RNF19A: variants seen among roughly 807,000 people sequenced by gnomAD.
RNF19A encodes ring finger protein 19A, RBR E3 ubiquitin protein ligase.
Under a neutral mutation model 75.7 loss-of-function variants are expected in RNF19A, and 32 were observed. That is an observed-to-expected ratio of 0.42 (90% CI 0.32 to 0.57). The LOEUF (loss-of-function observed/expected upper bound fraction) is 0.57, where lower values mean the gene tolerates loss of function less well. Ranked by LOEUF, RNF19A falls within the 20% of genes least tolerant of loss-of-function variation. The pLI is 0.10. For missense variants in RNF19A, 782 were observed against 1,036.3 expected, an observed-to-expected ratio of 0.75 and a Z score of 3.37; for synonymous variants, 335 against 345.2, an observed-to-expected ratio of 0.97 and a Z score of 0.33.
chr8:100,258,922 C>T lies in RNF19A; in HGVS notation c.2151G>A (p.Met717Ile). The T allele has an allele frequency of 1.2e-6, 2 of 1,614,228 alleles. No individual in the cohort carries two copies. Among genetic ancestry groups the T allele is most frequent in the Non-Finnish European group, 1.7e-6 (2 of 1,180,048 alleles). ...TAGAGTGAGAATCTGCTACAGAAGG[C>T]ATACTGTCACTGAGGGATGGAGCCT... ...EFEAPSLSDS[M>I]PSVADSHSSH... The change falls in exon 10 of 10, where the codon ATG becomes ATA. Residue 717 changes from methionine (M) to isoleucine (I), a missense_variant. Transcript: ENST00000341084. This position sits in a 1 kb window ranked among gnomAD's most constrained non-coding sequence, Gnocchi z 4.3.
chr8:100,259,096 A>G lies in RNF19A; in HGVS notation c.1977T>C (p.Ser659=), dbSNP rs760961023. The G allele has an allele frequency of 1.2e-6, 2 of 1,613,978 alleles. No individual in the cohort carries two copies. The highest frequency in any genetic ancestry group is 1.7e-6 in the Non-Finnish European group (2 of 1,180,002). The change falls in exon 10 of 10, where the codon AGT becomes AGC. Residue 659 remains serine, a synonymous_variant. Coordinates refer to ENST00000341084, the MANE Select transcript of RNF19A (RefSeq NM_183419.4). The surrounding 1 kb of genome is among the most constrained non-coding windows in gnomAD (Gnocchi z 4.5). Reference sequence around the variant, plus strand: ...TTGCTTCTTTGGACCACTTGGTGGCACTAGATTTACCTTCAGGCAAGCCAC... The same window carrying G: ...TTGCTTCTTTGGACCACTTGGTGGCGCTAGATTTACCTTCAGGCAAGCCAC... ...SSSGLPEGKS[S]ATKWSKEATA...
At chr8:100,306,434 C>T (rs545161438) in intron 1 of RNF19A, among the ~76,000 whole-genome samples, 7 of 152,040 alleles carry the variant, frequency 4.6e-5, no homozygotes, top group African/African-American at 1.7e-4. Context: ...TACTAGATAA[C>T]ATCAATAGGA....
intron 1 of RNF19A, among the ~76,000 whole-genome samples, chr8:100,290,171 G>C (rs1384742240): frequency 6.6e-6 from 1 of 152,174 alleles, no homozygotes. Context: ...CTGGAGTGCA[G>C]TGAAGCAATC....
chr8:100,324,132 G>A lies in RNF19A; in HGVS notation c.-242-10760C>T, dbSNP rs1822498393. Among the ~76,000 whole-genome samples, 1 of 152,154 alleles carries A rather than the reference G, an allele frequency of 6.6e-6. No homozygotes were observed. Among genetic ancestry groups the A allele is most frequent in the African/African-American group, 2.4e-5 (1 of 41,428 alleles). ...AAGAAAATTCCCACACACTGAAGCT[G>A]CTACTATAATTTATTTTTTACAGCG... is the stretch of plus-strand genomic sequence containing the variant. On this transcript the variant is annotated intron_variant, in intron 1 of 3. Transcript: ENST00000519527. The surrounding 1 kb of genome is among the most constrained non-coding windows in gnomAD (Gnocchi z 4.2).
rs1788184 is a variant in RNF19A at position 100,322,878 on chromosome 8, A to G, written c.-242-9506T>C. 0.46 allele frequency among the ~76,000 whole-genome samples: 70,278 copies of G among 151,836 alleles called. 17,228 individuals are homozygous for G. The highest frequency in any genetic ancestry group is 0.64 in the African/African-American group (26,315 of 41,376). On this transcript the variant is annotated intron_variant, in intron 1 of 3. Transcript: ENST00000519527. This position sits in a 1 kb window ranked among gnomAD's most constrained non-coding sequence, Gnocchi z 5.1. Reference sequence around the variant, plus strand: ...CACATTTATTAAGTTCACTGTCTTCAGTGGGAGTGGTTCATGGCACTTCAA... The same window carrying G: ...CACATTTATTAAGTTCACTGTCTTCGGTGGGAGTGGTTCATGGCACTTCAA...
At position 100,330,697 on chromosome 8, in the gene RNF19A, C is replaced by G. The variant is rs117899045; in HGVS notation, c.-243+5411G>C. Among the ~76,000 whole-genome samples, 180 of 152,286 alleles carry G rather than the reference C, an allele frequency of 1.2e-3. No individual in the cohort carries two copies. Among genetic ancestry groups the G allele is most frequent in the Middle Eastern group, 3.4e-3 (1 of 294 alleles). On this transcript the variant is annotated intron_variant, in intron 1 of 3. Coordinates refer to the RNF19A transcript ENST00000519527. This position sits in a 1 kb window ranked among gnomAD's most constrained non-coding sequence, Gnocchi z 4.1. ...CCAGTTACCCAAGGCAATAAATTAC[C>G]TGTTTTATTTAGCTCTCCATCTCTT...
chr8:100,316,385 C>T (rs982522113), intron 1 of RNF19A, among the ~76,000 whole-genome samples: 1 of 152,172 alleles, frequency 6.6e-6, no homozygotes, highest in African/African-American at 2.4e-5. Context: ...GGGCAGCCTG[C>T]TTTTAGTCTC....
chr8:100,294,823 G>A (rs539602646), intron 1 of RNF19A, among the ~76,000 whole-genome samples: 4 of 152,148 alleles, frequency 2.6e-5, no homozygotes, highest in Non-Finnish European at 5.9e-5. Flanking sequence ...CAATATAACT[G>A]CTTACTAGAC....
In RNF19A at chr8:100,261,847, T is replaced by A; in HGVS notation, c.1469-92A>T. On this transcript the variant is annotated intron_variant, in intron 7 of 9. Coordinates refer to ENST00000341084, the MANE Select transcript of RNF19A (RefSeq NM_183419.4). This position sits in a 1 kb window ranked among gnomAD's most constrained non-coding sequence, Gnocchi z 4.4. ...CCATGATTTCAGAGAGGACATTATA[T>A]AAGGTATAAAATATACGCAGACATG... The A allele has an allele frequency of 9.2e-6, 12 of 1,301,658 alleles. No individual in the cohort carries two copies. The highest frequency in any genetic ancestry group is 1.2e-5 in the Non-Finnish European group (11 of 902,926). The allele number at this position is 1,301,658 out of a possible 1,614,324, so 80.6% of individuals were successfully genotyped here. A position where few individuals can be genotyped will look rare whatever the true frequency, so the allele number is the denominator to read the frequency against.
chr8:100,294,127 T>C (rs1462152311), intron 1 of RNF19A, among the ~76,000 whole-genome samples: 4 of 152,222 alleles, frequency 2.6e-5, no homozygotes, highest in Middle Eastern at 3.2e-3. Context: ...CATATTTTCC[T>C]GCTTTTTTAC....
intron 1 of RNF19A, among the ~76,000 whole-genome samples, chr8:100,326,684 G>A (rs1226740833): frequency 6.6e-6 from 1 of 152,070 alleles, no homozygotes; most frequent in African/African-American, 2.4e-5. Flanking sequence ...CTTCCCATGA[G>A]CTCTTGAATT....
chr8:100,290,529 C>T (rs914704802), intron 1 of RNF19A, among the ~76,000 whole-genome samples: 2 of 152,124 alleles, frequency 1.3e-5, no homozygotes, highest in Admixed American at 6.5e-5. Flanking sequence ...CTATGGCTGA[C>T]CTCCTAATTA....
intron 1 of RNF19A, among the ~76,000 whole-genome samples, chr8:100,335,300 AGTG>A (rs1822665489): frequency 6.6e-6 from 1 of 152,220 alleles, no homozygotes; most frequent in Non-Finnish European, 1.5e-5. Context: ...TCTCATTTAA[AGTG>A]GCAGCCCTGT....
upstream of RNF19A, chr8:100,313,343 C>T (rs547253685): frequency 7.5e-5 from 74 of 981,964 alleles, no homozygotes; most frequent in South Asian, 3.3e-4. Flanking sequence ...CTCAAACTAA[C>T]GTCAATTCTT....
At chr8:100,285,503 C>A (rs1820974442) in intron 2 of RNF19A, among the ~76,000 whole-genome samples, 1 of 152,060 alleles carries the variant, frequency 6.6e-6, no homozygotes, top group Non-Finnish European at 1.5e-5. Context: ...ATGACATTAC[C>A]AATCAATCTA....
At position 100,317,312 on chromosome 8, in the gene RNF19A, G is replaced by A. The variant is rs983565922; in HGVS notation, c.-242-3940C>T. ...GGCAGAGGAGGTGCCGAGAGCAAGC[G>A]AGGGCTCTGAGGACTGCCAGCACGC... On this transcript the variant is annotated intron_variant, in intron 1 of 3. Coordinates refer to the RNF19A transcript ENST00000519527. This position sits in a 1 kb window ranked among gnomAD's most constrained non-coding sequence, Gnocchi z 4.3. Among the ~76,000 whole-genome samples, 5 of 152,212 alleles carry A rather than the reference G, an allele frequency of 3.3e-5. No individual in the cohort carries two copies. The highest frequency in any genetic ancestry group is 1.9e-4 in the East Asian group (1 of 5,198).
At chr8:100,293,208 G>A (rs952101965) in intron 1 of RNF19A, among the ~76,000 whole-genome samples, 6 of 152,354 alleles carry the variant, frequency 3.9e-5, no homozygotes, top group Admixed American at 6.5e-5. Context: ...GGGGAGCCCT[G>A]TTCTTGTGGA....
In RNF19A at chr8:100,332,170, G is replaced by C. The variant is rs76297461; in HGVS notation, c.-243+3938C>G. ...AAAGGATATGTCCACTTTCCATACT[G>C]ATATCTGATTTGGTTTGGCTCTGTG... On this transcript the variant is annotated intron_variant, in intron 1 of 3. Coordinates refer to the RNF19A transcript ENST00000519527. This position sits in a 1 kb window ranked among gnomAD's most constrained non-coding sequence, Gnocchi z 4.8. Among the ~76,000 whole-genome samples the C allele has an allele frequency of 0.069, 10,564 of 152,202 alleles. 402 individuals are homozygous for C. The highest frequency in any genetic ancestry group is 0.084 in the African/African-American group (3,489 of 41,518).
intron 1 of RNF19A, among the ~76,000 whole-genome samples, chr8:100,315,774 G>A (rs1193020523): frequency 6.6e-6 from 1 of 152,182 alleles, no homozygotes; most frequent in Non-Finnish European, 1.5e-5. Context: ...CTCCTGAGTA[G>A]CTGGGACTAC....
Sources: gnomAD v4.1 joint callset for allele counts (sites outside exome capture counted in the v4.1 genomes callset) on GRCh38, gnomAD v4.1.1 for gene constraint, Gnocchi (gnomAD v3.1) non-coding constraint, MANE v1.5 for transcripts, NCBI Gene and HGNC (gene_info 2026-07-23, HGNC 2026-07-21) for gene names.